FOXP2: variants seen among roughly 807,000 people sequenced by gnomAD.
FOXP2 encodes forkhead box P2, also known as forkhead box protein P2.
In FOXP2, 12 loss-of-function variants were observed where a neutral mutation model predicts 115.8. The observed-to-expected ratio is 0.10, with a 90% CI of 0.07 to 0.17. The LOEUF (loss-of-function observed/expected upper bound fraction) is 0.17, where lower values mean the gene tolerates loss of function less well. Among genes scored for constraint, FOXP2 ranks in the 10% least tolerant of loss-of-function variants. FOXP2 has a pLI of 1.00. For missense variants in FOXP2, 629 were observed against 843.5 expected (o/e 0.75, Z 3.15); for synonymous variants, 328 against 297.7 (o/e 1.10, Z -1.05).
At chr7:114,576,282 C>T (rs879385133) in intron 3 of FOXP2, among the ~76,000 whole-genome samples, 2 of 151,850 alleles carry the variant, frequency 1.3e-5, no homozygotes, top group Non-Finnish European at 2.9e-5. Context: ...TGTAATTCAA[C>T]ATATTAGTAA....
At chr7:114,486,889 C>A (rs1273716568) in intron 2 of FOXP2, among the ~76,000 whole-genome samples, 1 of 152,190 alleles carries the variant, frequency 6.6e-6, no homozygotes, top group Non-Finnish European at 1.5e-5. Flanking sequence ...TTGCAGGGTA[C>A]AGCCCCCATC....
chr7:114,230,579 A>G (rs1794849206), intron 1 of FOXP2, among the ~76,000 whole-genome samples: 1 of 152,096 alleles, frequency 6.6e-6, no homozygotes, highest in African/African-American at 2.4e-5. Context: ...ATGCAAATCA[A>G]TAAATGTGAT....
At chr7:114,350,494 T>A (rs1791458159) in intron 2 of FOXP2, among the ~76,000 whole-genome samples, 1 of 152,190 alleles carries the variant, frequency 6.6e-6, no homozygotes, top group Non-Finnish European at 1.5e-5. Flanking sequence ...GTCTGTCTTG[T>A]CTTTAATGTA....
chr7:114,625,663 A>C (rs1804526052), intron 3 of FOXP2, among the ~76,000 whole-genome samples: 1 of 151,860 alleles, frequency 6.6e-6, no homozygotes, highest in Non-Finnish European at 1.5e-5. Context: ...TGTGTCGCTT[A>C]AAATGAGTCA....
intron 2 of FOXP2, among the ~76,000 whole-genome samples, chr7:114,455,661 T>G (rs527941280): frequency 6.6e-6 from 1 of 152,310 alleles, no homozygotes; most frequent in African/African-American, 2.4e-5. Flanking sequence ...AGTCTTATAG[T>G]TAACTGTCTC....
intron 1 of FOXP2, among the ~76,000 whole-genome samples, chr7:114,165,301 A>C (rs1347612674): frequency 6.6e-6 from 1 of 152,220 alleles, no homozygotes; most frequent in East Asian, 1.9e-4. Flanking sequence ...CAAAAAAAGG[A>C]AACAAAAGAC....
intron 2 of FOXP2, among the ~76,000 whole-genome samples, chr7:114,467,375 C>T (rs1439798994): frequency 6.6e-6 from 1 of 152,020 alleles, no homozygotes. Context: ...TTTTCCATTC[C>T]CCACTTGCTC....
chr7:114,264,919 G>T (rs1228472251), intron 1 of FOXP2, among the ~76,000 whole-genome samples: 2 of 152,082 alleles, frequency 1.3e-5, no homozygotes. Flanking sequence ...CACTCACTAT[G>T]CCAGGACAGC....
chr7:114,405,913 T>C (rs954673876), intron 2 of FOXP2, among the ~76,000 whole-genome samples: 2 of 151,920 alleles, frequency 1.3e-5, no homozygotes, highest in African/African-American at 2.4e-5. Context: ...GTCTGTCATA[T>C]GTATGGCCCT....
chr7:114,384,741 C>G (rs1196675600), intron 2 of FOXP2, among the ~76,000 whole-genome samples: 1 of 151,296 alleles, frequency 6.6e-6, no homozygotes, highest in Non-Finnish European at 1.5e-5. Context: ...TACCTTTTTG[C>G]TTTTTTTTGA....
chr7:114,247,111 A>T (rs1280049649), intron 1 of FOXP2, among the ~76,000 whole-genome samples: 1 of 152,134 alleles, frequency 6.6e-6, no homozygotes, highest in Non-Finnish European at 1.5e-5. Flanking sequence ...CTCATGATAA[A>T]TTCTCCTCCA....
At chr7:114,613,342 A>G (rs1477400577) in intron 3 of FOXP2, among the ~76,000 whole-genome samples, 1 of 152,116 alleles carries the variant, frequency 6.6e-6, no homozygotes, top group Non-Finnish European at 1.5e-5. Flanking sequence ...AGTGATATGT[A>G]TATTTTACAC....
chr7:114,293,761 C>T (rs1203965315), intron 2 of FOXP2, among the ~76,000 whole-genome samples: 1 of 152,174 alleles, frequency 6.6e-6, no homozygotes, highest in Non-Finnish European at 1.5e-5. Flanking sequence ...CCTTCTGCCA[C>T]TATTGTAAGT....
intron 2 of FOXP2, among the ~76,000 whole-genome samples, chr7:114,388,922 C>G (rs1792522048): frequency 6.6e-6 from 1 of 152,168 alleles, no homozygotes; most frequent in South Asian, 2.1e-4. Context: ...TAGAATGCAT[C>G]AGTAAAATAG....
chr7:114,557,544 A>G (rs1191844050), intron 3 of FOXP2, among the ~76,000 whole-genome samples: 1 of 151,578 alleles, frequency 6.6e-6, no homozygotes, highest in Non-Finnish European at 1.5e-5. Context: ...TCACTTCCTA[A>G]TTAGTGCTGC....
chr7:114,559,888 T>A (rs10653514), intron 3 of FOXP2, among the ~76,000 whole-genome samples: 107,891 of 147,630 alleles, frequency 0.73, 40,050 homozygotes, highest in East Asian at 0.94. Flanking sequence ...GATTCCATCT[T>A]AAAAAAAAAA....
At chr7:114,139,394 G>T (rs1038284134) in intron 1 of FOXP2, among the ~76,000 whole-genome samples, 3 of 151,892 alleles carry the variant, frequency 2.0e-5, no homozygotes, top group African/African-American at 4.8e-5. Flanking sequence ...GATCTATAGG[G>T]TATAAAACAT....
chr7:114,259,698 A>G (rs1321403319), intron 1 of FOXP2, among the ~76,000 whole-genome samples: 4 of 152,190 alleles, frequency 2.6e-5, no homozygotes, highest in African/African-American at 7.2e-5. Context: ...GCGAAAAAAG[A>G]TAAATCTTAA....
intron 3 of FOXP2, among the ~76,000 whole-genome samples, chr7:114,602,699 A>G (rs1311913162): frequency 6.6e-6 from 1 of 152,176 alleles, no homozygotes; most frequent in Non-Finnish European, 1.5e-5. Context: ...ATATTTCAGT[A>G]TATTTTCCAT....
Sources: gnomAD v4.1 joint callset for allele counts (sites outside exome capture counted in the v4.1 genomes callset) on GRCh38, gnomAD v4.1.1 for gene constraint, MANE v1.5 for transcripts, NCBI Gene and HGNC (gene_info 2026-07-23, HGNC 2026-07-21) for gene names.